The following GABRA3 variants were observed in gnomAD, a reference collection of about 807,000 sequenced individuals.
GABRA3 encodes the protein gamma-aminobutyric acid receptor subunit alpha-3.
In GABRA3, 10 loss-of-function variants were observed where a neutral mutation model predicts 30.1. That is an observed-to-expected ratio of 0.33 (90% CI 0.20 to 0.56). The LOEUF (loss-of-function observed/expected upper bound fraction) is 0.56. Among genes scored for constraint, GABRA3 ranks in the 20% least tolerant of loss-of-function variants. GABRA3 has a pLI of 0.89. For synonymous variants in GABRA3, 151 were observed against 146.8 expected, an observed-to-expected ratio of 1.03 and a Z score of -0.21; for missense variants, 233 against 392.0, an observed-to-expected ratio of 0.59 and a Z score of 3.42.
At chrX:152,346,074 G>C (rs1299782645) in intron 2 of GABRA3, among the ~76,000 whole-genome samples, 1 of 111,522 alleles carries the variant, frequency 9.0e-6, no homozygotes, top group Non-Finnish European at 1.9e-5. Context: ...AAATAAAGAA[G>C]GGAAATGTTA....
intron 7 of GABRA3, among the ~76,000 whole-genome samples, chrX:152,205,641 CCAAAA>C (rs1348256621): frequency 1.8e-5 from 2 of 111,210 alleles, no homozygotes; most frequent in Non-Finnish European, 3.8e-5. Flanking sequence ...TTTTAAGTAA[CCAAAA>C]CAAGTAATAA....
intron 1 of GABRA3, among the ~76,000 whole-genome samples, chrX:152,391,567 A>C (rs998378471): frequency 3.6e-5 from 4 of 111,525 alleles, no homozygotes; most frequent in African/African-American, 1.3e-4. Flanking sequence ...TGAGAATTTA[A>C]CCACAATACA....
intron 1 of GABRA3, among the ~76,000 whole-genome samples, chrX:152,398,479 G>A (rs1247218501): frequency 1.8e-5 from 2 of 111,128 alleles, no homozygotes; most frequent in African/African-American, 6.5e-5. Context: ...TGACCCATAT[G>A]TCATTGGTTC....
At chrX:152,351,398 C>A (rs912705205) in intron 2 of GABRA3, among the ~76,000 whole-genome samples, 7 of 112,192 alleles carry the variant, frequency 6.2e-5, no homozygotes, top group Non-Finnish European at 1.3e-4. Context: ...TCTCACCTTG[C>A]ACTTTTATGT....
chrX:152,372,995 G>T (rs1180991648), intron 1 of GABRA3, among the ~76,000 whole-genome samples: 1 of 111,450 alleles, frequency 9.0e-6, no homozygotes, highest in Non-Finnish European at 1.9e-5. Flanking sequence ...CTTATTTGAG[G>T]TTCATGCCTC....
chrX:152,221,363 ATTCTG>A (rs1276110909), intron 6 of GABRA3, among the ~76,000 whole-genome samples: 2 of 110,896 alleles, frequency 1.8e-5, no homozygotes, highest in Non-Finnish European at 3.8e-5. Context: ...TCTCTCTTCT[ATTCTG>A]TTCCATGAGT....
chrX:152,230,857 C>T (rs752084090), intron 5 of GABRA3, among the ~76,000 whole-genome samples: 1 of 110,154 alleles, frequency 9.1e-6, no homozygotes, highest in Non-Finnish European at 1.9e-5. Flanking sequence ...TAAAGGAGAA[C>T]ATAGGAGAAA....
chrX:152,216,007 C>T (rs1231272028), intron 6 of GABRA3, among the ~76,000 whole-genome samples: 1 of 110,748 alleles, frequency 9.0e-6, no homozygotes, highest in Non-Finnish European at 1.9e-5. Context: ...CTAATCATTA[C>T]AGAGATGCAA....
intron 5 of GABRA3, among the ~76,000 whole-genome samples, chrX:152,249,668 G>T (rs1297763917): frequency 9.1e-6 from 1 of 110,414 alleles, no homozygotes; most frequent in Non-Finnish European, 1.9e-5. Context: ...TAGCGTATAA[G>T]CCCCTCTCCC....
chrX:152,174,253 G>A (rs1937042856), intron 9 of GABRA3, among the ~76,000 whole-genome samples: 3 of 111,139 alleles, frequency 2.7e-5, no homozygotes, highest in South Asian at 3.8e-4. Context: ...ATAAACATAC[G>A]TGTGCATGTG....
chrX:152,359,010 G>A (rs1324147503), intron 2 of GABRA3, among the ~76,000 whole-genome samples: 1 of 111,396 alleles, frequency 9.0e-6, no homozygotes, highest in Non-Finnish European at 1.9e-5. Flanking sequence ...AAGGATATAG[G>A]CCACAAGTTT....
rs775752500 is a variant in GABRA3, at chrX:152,273,914, G to C, written c.330+10754C>G. On this transcript the variant is annotated intron_variant, in intron 4 of 9. Coordinates refer to ENST00000370314, the MANE Select transcript of GABRA3 (RefSeq NM_000808.4). ...TTATTTTACCTCTATAAGTAAAATA[G>C]ATAAATAAATATTACTGAAGGAAAC... Among the ~76,000 whole-genome samples, 5 of 111,560 alleles carry C rather than the reference G, an allele frequency of 4.5e-5. No individual in the cohort carries two copies. The East Asian group carries it at 1.4e-3, about 31-fold the overall frequency.
chrX:152,390,154 G>GAT (rs897931426), intron 1 of GABRA3, among the ~76,000 whole-genome samples: 1 of 111,599 alleles, frequency 9.0e-6, no homozygotes, highest in Non-Finnish European at 1.9e-5. Context: ...CCTTTGGTTT[G>GAT]AATGTCCTCC....
intron 5 of GABRA3, among the ~76,000 whole-genome samples, chrX:152,245,076 G>T (rs980106194): frequency 9.0e-6 from 1 of 110,850 alleles, no homozygotes. Flanking sequence ...GTTCAGTGAG[G>T]CTATCACTGT....
chrX:152,431,688 G>A (rs1247176111), intron 1 of GABRA3, among the ~76,000 whole-genome samples: 1 of 111,665 alleles, frequency 9.0e-6, no homozygotes, highest in Non-Finnish European at 1.9e-5. Flanking sequence ...GTAATCACAA[G>A]GGTCCTTAAA....
rs772624654 is a variant in GABRA3 at position 152,382,934 on chromosome X, T to C, written c.-26-18338A>G. ...TTGATTGATTACAACTGCTTTATAA[T>C]AGACTTTGAAATCAAGGACAGTGAT... On this transcript the variant is annotated intron_variant, in intron 1 of 9. Transcript: ENST00000370314. Among the ~76,000 whole-genome samples, 5 of 112,191 alleles carry C rather than the reference T, an allele frequency of 4.5e-5. No individual in the cohort carries two copies. In the East Asian group the frequency reaches 1.1e-3, roughly 25 times the overall value.
At chrX:152,414,601 C>T (rs770685529) in intron 1 of GABRA3, among the ~76,000 whole-genome samples, 6 of 110,861 alleles carry the variant, frequency 5.4e-5, no homozygotes, top group African/African-American at 2.0e-4. Context: ...CAAAATGATA[C>T]AACCAGTTTG....
rs754165204 is a variant in GABRA3 at position 152,444,393 on chromosome X, G to A, written c.-27+6753C>T. ...ACATTTGAATGGCCACTACAAGGAA[G>A]GGGAACAGCAATTACACAGTATAGC... On this transcript the variant is annotated intron_variant, in intron 1 of 9. Coordinates refer to ENST00000370314, the MANE Select transcript of GABRA3 (RefSeq NM_000808.4). Among the ~76,000 whole-genome samples the A allele has an allele frequency of 1.1e-4, 12 of 111,680 alleles. No homozygotes were observed. In the South Asian group the frequency reaches 4.5e-3, roughly 42 times the overall value.
chrX:152,317,264 A>T lies in GABRA3; in HGVS notation c.262+28317T>A, dbSNP rs763122576. On this transcript the variant is annotated intron_variant, in intron 3 of 9. Coordinates refer to ENST00000370314, the MANE Select transcript of GABRA3 (RefSeq NM_000808.4). ...GATAAAAGGCCTTGTCCAAGAGTAA[A>T]ATGTCACAAACCTAAATATATATGC... 2.7e-5 allele frequency among the ~76,000 whole-genome samples: 3 copies of T among 111,738 alleles called. No homozygotes were observed. The Admixed American group carries it at 2.9e-4, about 11-fold the overall frequency.
Sources: allele counts gnomAD v4.1 joint callset (sites outside exome capture counted in the v4.1 genomes callset), GRCh38; gene constraint gnomAD v4.1.1; transcripts MANE v1.5; gene names NCBI Gene and HGNC (gene_info 2026-07-23, HGNC 2026-07-21).